FAM135B: variants seen among roughly 807,000 people sequenced by gnomAD.
The protein encoded by FAM135B is family with sequence similarity 135 member B, also known as protein FAM135B.
In FAM135B, 43 loss-of-function variants were observed where a neutral mutation model predicts 127.7. The ratio of observed to expected loss-of-function variants is 0.34; its 90% CI spans 0.26 to 0.43. FAM135B has a LOEUF of 0.43. FAM135B is among the 20% of genes least tolerant of loss of function. The probability of loss-of-function intolerance (pLI) is 1.00; values close to 1 mark genes in which losing one functional copy is unlikely to be tolerated. For missense variants in FAM135B, 1,558 were observed against 1,725.6 expected (o/e 0.90, Z 1.72); for synonymous variants, 670 against 665.1 (o/e 1.01, Z -0.11).
chr8:138,272,469 GCAAC>G (rs1823458743), intron 3 of FAM135B, among the ~76,000 whole-genome samples: 1 of 152,094 alleles, frequency 6.6e-6, no homozygotes, highest in African/African-American at 2.4e-5. Flanking sequence ...TTGTAAGAGG[GCAAC>G]TAAACTAAAG....
chr8:138,335,101 G>A (rs1220623866), intron 2 of FAM135B, among the ~76,000 whole-genome samples: 1 of 151,898 alleles, frequency 6.6e-6, no homozygotes, highest in Admixed American at 6.6e-5. Context: ...GTGATTTTTT[G>A]TTCAACAGCA....
chr8:138,246,753 A>C (rs969677344), intron 6 of FAM135B, among the ~76,000 whole-genome samples: 2 of 152,178 alleles, frequency 1.3e-5, no homozygotes, highest in Admixed American at 1.3e-4. Flanking sequence ...AGACTCCAGA[A>C]TGGTAGATCC....
intron 9 of FAM135B, among the ~76,000 whole-genome samples, chr8:138,190,217 C>T (rs1200657833): frequency 6.6e-6 from 1 of 152,202 alleles, no homozygotes; most frequent in Non-Finnish European, 1.5e-5. Flanking sequence ...CATCCACAAC[C>T]CTCACCACTG....
rs1554609001 is a variant in FAM135B, at chr8:138,148,472, G to A, written c.3448+48C>T. 1.1e-5 allele frequency: 16 copies of A among 1,465,602 alleles called. No homozygotes were observed. In the East Asian group the frequency reaches 3.7e-4, roughly 34 times the overall value. The allele number at this position is 1,465,602 out of a possible 1,614,324, so 90.8% of individuals were successfully genotyped here. A position where few individuals can be genotyped will look rare whatever the true frequency, so the allele number is the denominator to read the frequency against. ...CTAAATTAATACATAAATATTATAAGTTGTATATATGACAGAATTTGGGAA... is the reference window on the plus strand; with the variant it reads ...CTAAATTAATACATAAATATTATAAATTGTATATATGACAGAATTTGGGAA... On this transcript the variant is annotated intron_variant, in intron 14 of 19. Transcript: ENST00000395297.
chr8:138,209,893 C>T (rs1226021087), intron 7 of FAM135B, among the ~76,000 whole-genome samples: 1 of 152,184 alleles, frequency 6.6e-6, no homozygotes, highest in Admixed American at 6.5e-5. Context: ...CTCTTTATCC[C>T]ACATGGGACT....
intron 12 of FAM135B, among the ~76,000 whole-genome samples, chr8:138,166,887 C>T (rs57335910): frequency 0.059 from 8,972 of 152,060 alleles, 453 homozygotes; most frequent in East Asian, 0.16. Context: ...TATGGTAGCT[C>T]GCTGAGTGCT....
At chr8:138,464,176 G>C (rs1837271411) in intron 1 of FAM135B, among the ~76,000 whole-genome samples, 1 of 152,124 alleles carries the variant, frequency 6.6e-6, no homozygotes, top group Non-Finnish European at 1.5e-5. Flanking sequence ...TAAGAAGGTT[G>C]CAGCCTATCA....
chr8:138,353,588 C>T (rs6993249), intron 2 of FAM135B, among the ~76,000 whole-genome samples: 74,258 of 152,076 alleles, frequency 0.49, 20,332 homozygotes, highest in Non-Finnish European at 0.63. Flanking sequence ...GTCTTACCAA[C>T]AAAATAAAAT....
intron 1 of FAM135B, among the ~76,000 whole-genome samples, chr8:138,488,644 T>C (rs538052723): frequency 1.3e-5 from 2 of 152,114 alleles, no homozygotes; most frequent in African/African-American, 4.8e-5. Context: ...GTTTGTTTTT[T>C]TGTGTGTGAG....
intron 7 of FAM135B, among the ~76,000 whole-genome samples, chr8:138,216,960 G>A (rs1166978170): frequency 1.3e-5 from 2 of 152,150 alleles, no homozygotes; most frequent in African/African-American, 4.8e-5. Flanking sequence ...TTCACTGTAT[G>A]GTTATGCGAC....
At chr8:138,390,108 G>A (rs1291675836) in intron 1 of FAM135B, among the ~76,000 whole-genome samples, 1 of 152,120 alleles carries the variant, frequency 6.6e-6, no homozygotes, top group Admixed American at 6.5e-5. Flanking sequence ...GACCAATAAT[G>A]GAATATTTGG....
At chr8:138,308,926 C>T (rs1304238597) in intron 3 of FAM135B, 5 of 418,978 alleles carry the variant, frequency 1.2e-5, no homozygotes, top group Non-Finnish European at 1.9e-5. Flanking sequence ...TTTACCTTGA[C>T]CCTGAGAGCA....
At chr8:138,206,257 A>ACACAGCTCTATCATCCCCTCCACCTATG (rs1817566089) in intron 7 of FAM135B, among the ~76,000 whole-genome samples, 1 of 6,964 alleles carries the variant, frequency 1.4e-4, no homozygotes, top group African/African-American at 5.4e-4. Context: ...CTCCACCTAC[A>ACACAGCTCTATCATCCCCTCCACCTATG]CACAGCTCTA....
intron 1 of FAM135B, among the ~76,000 whole-genome samples, chr8:138,469,339 G>A (rs1474684939): frequency 1.3e-5 from 2 of 152,112 alleles, no homozygotes; most frequent in African/African-American, 4.8e-5. Context: ...TGATTGATTA[G>A]ACCTAGGAAA....
At chr8:138,148,909 T>G (rs1461004385) in intron 13 of FAM135B, 8 of 216,932 alleles carry the variant, frequency 3.7e-5, no homozygotes, top group Non-Finnish European at 6.9e-5. Context: ...ATGTTCTCAC[T>G]CATAGGTGGG....
At chr8:138,140,602 G>A (rs1817052817) in intron 17 of FAM135B, among the ~76,000 whole-genome samples, 2 of 152,110 alleles carry the variant, frequency 1.3e-5, no homozygotes, top group East Asian at 1.9e-4. Flanking sequence ...ATAGATGTTA[G>A]TCAACCTTAT....
chr8:138,354,120 C>T (rs563465540), intron 2 of FAM135B, among the ~76,000 whole-genome samples: 56 of 152,138 alleles, frequency 3.7e-4, no homozygotes, highest in African/African-American at 1.2e-3. Flanking sequence ...TTTCTCCCCA[C>T]GCCAGCTGTC....
chr8:138,247,889 T>C (rs890753116), intron 6 of FAM135B, among the ~76,000 whole-genome samples: 3 of 152,232 alleles, frequency 2.0e-5, no homozygotes, highest in Middle Eastern at 3.2e-3. Flanking sequence ...AAATTCACTT[T>C]TCACTGTCAC....
intron 5 of FAM135B, among the ~76,000 whole-genome samples, chr8:138,252,337 A>G (rs1821758568): frequency 6.6e-6 from 1 of 152,192 alleles, no homozygotes; most frequent in Admixed American, 6.5e-5. Context: ...CAAGGCAAAA[A>G]TGTAATCTTG....
Sources: allele counts gnomAD v4.1 joint callset (sites outside exome capture counted in the v4.1 genomes callset), GRCh38; gene constraint gnomAD v4.1.1; transcripts MANE v1.5; gene names NCBI Gene and HGNC (gene_info 2026-07-23, HGNC 2026-07-21).